Variants in CCDC171 observed in about 807,000 individuals in gnomAD.
The protein encoded by CCDC171 is coiled-coil domain-containing protein 171.
In CCDC171, 177 loss-of-function variants were observed where a neutral mutation model predicts 168.2. The ratio of observed to expected loss-of-function variants is 1.05; its 90% CI spans 0.93 to 1.19. The LOEUF is 1.19. CCDC171 is among the 50% of genes most tolerant of loss of function. The probability of loss-of-function intolerance (pLI) is 0.00; values close to 1 mark genes in which losing one functional copy is unlikely to be tolerated. For missense variants in CCDC171, 1,991 were observed against 1,539.0 expected (o/e 1.29, Z -4.91); for synonymous variants, 687 against 540.8 (o/e 1.27, Z -3.75).
chr9:15,916,719 C>A (rs1824574834), intron 24 of CCDC171, among the ~76,000 whole-genome samples: 1 of 151,928 alleles, frequency 6.6e-6, no homozygotes, highest in South Asian at 2.1e-4. Context: ...TTTTTATATT[C>A]TAATGCACGT....
intron 23 of CCDC171, among the ~76,000 whole-genome samples, chr9:15,855,949 A>G (rs1284066197): frequency 1.3e-5 from 2 of 151,960 alleles, no homozygotes; most frequent in African/African-American, 4.8e-5. Flanking sequence ...AAGAGGAGTT[A>G]CAAACCAAAC....
chr9:15,631,176 C>T lies in CCDC171; in HGVS notation c.822+7763C>T, dbSNP rs541359974. On this transcript the variant is annotated intron_variant, in intron 7 of 25. Transcript: ENST00000380701. ...AGGCAAGAAATAACTAAAATCAGAG[C>T]AGAACTGAAGGAAATAGAAACACAA... Among the ~76,000 whole-genome samples the T allele has an allele frequency of 2.6e-5, 4 of 151,898 alleles. No individual in the cohort carries two copies. In the South Asian group the frequency reaches 8.3e-4, roughly 32 times the overall value.
intron 3 of CCDC171, among the ~76,000 whole-genome samples, chr9:16,003,958 A>G (rs1242185070): frequency 1.3e-5 from 2 of 152,352 alleles, no homozygotes; most frequent in Non-Finnish European, 2.9e-5. Flanking sequence ...ATTGGTTTAC[A>G]GTAAGCACAA....
At chr9:15,591,127 A>T (rs533319584) in intron 4 of CCDC171, among the ~76,000 whole-genome samples, 1 of 152,110 alleles carries the variant, frequency 6.6e-6, no homozygotes, top group Non-Finnish European at 1.5e-5. Context: ...TAGCAAAATC[A>T]TCATTGTCTG....
chr9:15,588,700 CTTTTT>C (rs71323963), intron 4 of CCDC171: 14,862 of 124,036 alleles, frequency 0.12, 938 homozygotes, highest in African/African-American at 0.27. Flanking sequence ...AAGATGCAGA[CTTTTT>C]TTTTTTTTTT....
intron 1 of CCDC171, among the ~76,000 whole-genome samples, chr9:16,049,181 T>G (rs1006172615): frequency 6.6e-6 from 1 of 152,210 alleles, no homozygotes; most frequent in Admixed American, 6.5e-5. Flanking sequence ...GATTACTGCA[T>G]TGTGTCAGTT....
intron 24 of CCDC171, among the ~76,000 whole-genome samples, chr9:15,897,728 ATTG>A (rs1821098900): frequency 6.6e-6 from 1 of 152,320 alleles, no homozygotes; most frequent in East Asian, 1.9e-4. Flanking sequence ...TATGGATTCA[ATTG>A]TTGTTATATG....
intron 21 of CCDC171, among the ~76,000 whole-genome samples, chr9:15,832,957 G>C (rs1246188510): frequency 6.7e-6 from 1 of 149,732 alleles, no homozygotes; most frequent in Non-Finnish European, 1.5e-5. Flanking sequence ...GTAGGTGATA[G>C]GAAATTTTCA....
chr9:15,612,035 G>C (rs2043732858), intron 6 of CCDC171, among the ~76,000 whole-genome samples: 1 of 152,222 alleles, frequency 6.6e-6, no homozygotes, highest in East Asian at 1.9e-4. Context: ...GACACAGATA[G>C]AAAGCATCCT....
chr9:15,925,038 G>C (rs984915827), intron 25 of CCDC171, among the ~76,000 whole-genome samples: 9 of 151,270 alleles, frequency 5.9e-5, no homozygotes, highest in African/African-American at 2.2e-4. Flanking sequence ...CTGCTTTTTG[G>C]TGGGCACAGT....
Position 15,876,353 on chromosome 9 carries a change from A to G in CCDC171, c.3600+1690A>G, listed in dbSNP as rs73644965. The stretch of plus-strand genomic sequence containing the variant: ...CTACAGTTTCAGCGAACACTTAACT[A>G]TGTACCAGGTACCATGCTTAGCTCT... On this transcript the variant is annotated intron_variant, in intron 24 of 25. Coordinates refer to ENST00000380701, the MANE Select transcript of CCDC171 (RefSeq NM_173550.4). Among the ~76,000 whole-genome samples the G allele has an allele frequency of 9.3e-3, 1,413 of 152,250 alleles. 17 individuals carry two copies. Among genetic ancestry groups the G allele is most frequent in the African/African-American group, 0.032 (1,318 of 41,560 alleles).
At chr9:15,841,045 A>G (rs1012463596) in intron 21 of CCDC171, among the ~76,000 whole-genome samples, 1 of 152,082 alleles carries the variant, frequency 6.6e-6, no homozygotes, top group African/African-American at 2.4e-5. Flanking sequence ...ATATATGAGA[A>G]TATGGTACAG....
intron 21 of CCDC171, among the ~76,000 whole-genome samples, chr9:15,830,532 T>C (rs1208313739): frequency 6.6e-6 from 1 of 152,208 alleles, no homozygotes; most frequent in African/African-American, 2.4e-5. Flanking sequence ...GTAAAGTCCC[T>C]AATAATAGGA....
chr9:15,869,092 C>A (rs2061915797), intron 23 of CCDC171, among the ~76,000 whole-genome samples: 1 of 151,966 alleles, frequency 6.6e-6, no homozygotes, highest in Non-Finnish European at 1.5e-5. Context: ...ATGTTCAGGA[C>A]AGATGCAGCT....
intron 4 of CCDC171, chr9:15,588,441 T>C (rs746214320): frequency 3.6e-5 from 10 of 281,216 alleles, no homozygotes; most frequent in Non-Finnish European, 6.6e-5. Context: ...CTAAACCTGC[T>C]CCTTCAAAGC....
chr9:16,023,432 G>A (rs1303490341), intron 6 of CCDC171, among the ~76,000 whole-genome samples: 1 of 152,102 alleles, frequency 6.6e-6, no homozygotes, highest in Non-Finnish European at 1.5e-5. Flanking sequence ...TGTTAGTAGA[G>A]CAAAATGATT....
chr9:15,875,767 C>T (rs1176598740), intron 24 of CCDC171: 1 of 151,652 alleles, frequency 6.6e-6, no homozygotes, highest in Non-Finnish European at 1.5e-5. Context: ...TAATGCTCTA[C>T]AAGGAAAAAA....
chr9:16,090,101 C>A, the CCDC171 span, among the ~76,000 whole-genome samples: 2 of 152,172 alleles, frequency 1.3e-5, no homozygotes, highest in South Asian at 4.1e-4. Context: ...AATCATTCTA[C>A]TATAAAGACA....
chr9:15,834,567 A>G (rs1309591440), intron 21 of CCDC171, among the ~76,000 whole-genome samples: 1 of 152,240 alleles, frequency 6.6e-6, no homozygotes, highest in African/African-American at 2.4e-5. Flanking sequence ...CACAATTAAG[A>G]GGCTACCCAA....
Sources: allele counts gnomAD v4.1 joint callset (sites outside exome capture counted in the v4.1 genomes callset), GRCh38; gene constraint gnomAD v4.1.1; transcripts MANE v1.5; gene names NCBI Gene and HGNC (gene_info 2026-07-23, HGNC 2026-07-21).